The following PALLD variants were observed in gnomAD, a reference collection of about 807,000 sequenced individuals.
PALLD encodes palladin.
In PALLD, 61 loss-of-function variants were observed where a neutral mutation model predicts 123.5. The ratio of observed to expected loss-of-function variants is 0.49; its 90% CI spans 0.40 to 0.61. The LOEUF is 0.61. Ranked by LOEUF, PALLD falls within the 20% of genes least tolerant of loss-of-function variation. The pLI, the probability that PALLD is intolerant of heterozygous loss-of-function variation, is 0.00. For synonymous variants in PALLD, 465 were observed against 496.4 expected, an observed-to-expected ratio of 0.94 and a Z score of 0.84; for missense variants, 1,273 against 1,377.0, an observed-to-expected ratio of 0.92 and a Z score of 1.20.
chr4:168,592,408 C>A (rs1771530487), intron 2 of PALLD, among the ~76,000 whole-genome samples: 1 of 152,038 alleles, frequency 6.6e-6, no homozygotes, highest in Admixed American at 6.5e-5. Flanking sequence ...ACTCAGTTAA[C>A]AGGAGAAAAA....
intron 9 of PALLD, 79 bp downstream of exon 9, chr4:168,709,226 C>T (rs1784493639): frequency 6.7e-7 from 1 of 1,489,390 alleles, no homozygotes; most frequent in African/African-American, 1.4e-5. Context: ...AGGCACCGTC[C>T]TGGCCAGGTG....
intron 10 of PALLD, among the ~76,000 whole-genome samples, chr4:168,752,653 A>G (rs1340149875): frequency 1.3e-5 from 2 of 152,158 alleles, no homozygotes; most frequent in African/African-American, 4.8e-5. Flanking sequence ...CACAGAGAAC[A>G]TTTACACACT....
At chr4:168,702,897 T>G (rs149483568) in intron 8 of PALLD, among the ~76,000 whole-genome samples, 13,479 of 146,702 alleles carry the variant, frequency 0.092, 1,254 homozygotes, top group East Asian at 0.29. Flanking sequence ...TTTATTTTAT[T>G]TATTTATTTA....
intron 1 of PALLD, among the ~76,000 whole-genome samples, chr4:168,497,885 A>G (rs544724135): frequency 6.6e-6 from 1 of 152,334 alleles, no homozygotes. Context: ...TGAATCCAAT[A>G]TAGGAGGTTG....
At chr4:168,738,227 G>A (rs1295307737) in intron 10 of PALLD, among the ~76,000 whole-genome samples, 4 of 151,998 alleles carry the variant, frequency 2.6e-5, no homozygotes, top group Admixed American at 2.0e-4. Context: ...TTCATTCGCA[G>A]AAGACATACA....
chr4:168,818,941 G>C (rs569216906), intron 10 of PALLD, among the ~76,000 whole-genome samples: 13 of 152,268 alleles, frequency 8.5e-5, no homozygotes, highest in African/African-American at 2.9e-4. Flanking sequence ...GTGAAATAGT[G>C]CTAGTGTGTT....
chr4:168,712,570 C>T (rs1379576223), intron 10 of PALLD, among the ~76,000 whole-genome samples: 1 of 152,150 alleles, frequency 6.6e-6, no homozygotes, highest in Non-Finnish European at 1.5e-5. Context: ...TCCATTGGCA[C>T]CGCACAGCAG....
intron 10 of PALLD, among the ~76,000 whole-genome samples, chr4:168,759,232 TATATATATATATAG>T (rs1488532056): frequency 5.4e-5 from 5 of 91,936 alleles, no homozygotes; most frequent in African/African-American, 1.4e-4. Flanking sequence ...TATATATATA[TATATATATATATAG>T]AAACAATATA....
At chr4:168,552,753 G>A (rs570195444) in intron 2 of PALLD, among the ~76,000 whole-genome samples, 1 of 152,210 alleles carries the variant, frequency 6.6e-6, no homozygotes, top group South Asian at 2.1e-4. Flanking sequence ...TCAGCTCACT[G>A]CAACCTCTGC....
chr4:168,516,731 C>G (rs1763022107), intron 2 of PALLD, among the ~76,000 whole-genome samples: 1 of 152,106 alleles, frequency 6.6e-6, no homozygotes, highest in Middle Eastern at 3.2e-3. Flanking sequence ...GCATAGCTTA[C>G]TGAAAGCCTC....
intron 2 of PALLD, among the ~76,000 whole-genome samples, chr4:168,622,919 C>T (rs1258888327): frequency 6.6e-6 from 1 of 152,160 alleles, no homozygotes; most frequent in Non-Finnish European, 1.5e-5. Context: ...TTTGAAGTTT[C>T]CCCAGAGACG....
chr4:168,737,319 A>T (rs1220301877), intron 10 of PALLD, among the ~76,000 whole-genome samples: 2 of 152,184 alleles, frequency 1.3e-5, no homozygotes, highest in Non-Finnish European at 2.9e-5. Context: ...AAGTCAAATG[A>T]TATGCAAGTA....
chr4:168,761,638 G>A (rs1360622761), intron 10 of PALLD, among the ~76,000 whole-genome samples: 2 of 19,530 alleles, frequency 1.0e-4, no homozygotes, highest in Admixed American at 8.3e-4. Context: ...TTTTGTTGTT[G>A]TTGTTTGTTT....
chr4:168,681,929 G>A (rs1431023075), intron 4 of PALLD, among the ~76,000 whole-genome samples: 1 of 152,092 alleles, frequency 6.6e-6, no homozygotes, highest in Non-Finnish European at 1.5e-5. Flanking sequence ...TTTACCATAT[G>A]CAATGTTAGT....
intron 1 of PALLD, among the ~76,000 whole-genome samples, chr4:168,497,799 ATCT>A (rs1760906098): frequency 6.6e-6 from 1 of 152,222 alleles, no homozygotes; most frequent in East Asian, 1.9e-4. Flanking sequence ...CCACAGTGCA[ATCT>A]CGAGTCCAGT....
intron 2 of PALLD, among the ~76,000 whole-genome samples, chr4:168,608,705 T>C (rs1035595933): frequency 5.9e-5 from 9 of 152,212 alleles, no homozygotes; most frequent in African/African-American, 2.2e-4. Flanking sequence ...ATTTTGGTTT[T>C]TCATTTGTTT....
intron 10 of PALLD, among the ~76,000 whole-genome samples, chr4:168,830,505 G>A (rs1206040762): frequency 2.7e-5 from 4 of 150,186 alleles, no homozygotes; most frequent in Admixed American, 6.6e-5. Flanking sequence ...ACTTCAGCCT[G>A]GGCAACAGAG....
intron 10 of PALLD, among the ~76,000 whole-genome samples, chr4:168,853,344 TACTC>T: frequency 6.6e-6 from 1 of 152,208 alleles, no homozygotes; most frequent in Non-Finnish European, 1.5e-5. Context: ...GACCAGCCTT[TACTC>T]ACTCCTCTGT....
chr4:168,629,912 G>C (rs1389214157), intron 2 of PALLD, among the ~76,000 whole-genome samples: 1 of 152,142 alleles, frequency 6.6e-6, no homozygotes, highest in East Asian at 1.9e-4. Flanking sequence ...CCAGTAAAAG[G>C]AGTGTCCTCT....
Sources: gnomAD v4.1 joint callset for allele counts (sites outside exome capture counted in the v4.1 genomes callset) on GRCh38, gnomAD v4.1.1 for gene constraint, MANE v1.5 for transcripts, NCBI Gene and HGNC (gene_info 2026-07-23, HGNC 2026-07-21) for gene names.